The following ENOX1 variants were observed in gnomAD, a reference collection of about 807,000 sequenced individuals.
ENOX1 encodes the protein candidate growth-related and time keeping constitutive hydroquinone (NADH) oxidase.
A neutral mutation model predicts 82.5 loss-of-function variants in ENOX1; 42 were observed. The observed-to-expected ratio is 0.51, with a 90% CI of 0.40 to 0.66. ENOX1 has a LOEUF of 0.66. ENOX1 is among the 30% of genes least tolerant of loss of function. The pLI, the probability that ENOX1 is intolerant of heterozygous loss-of-function variation, is 0.00. For missense variants in ENOX1, 608 were observed against 811.6 expected, an observed-to-expected ratio of 0.75 and a Z score of 3.05; for synonymous variants, 271 against 282.2, an observed-to-expected ratio of 0.96 and a Z score of 0.40.
intron 8 of ENOX1, among the ~76,000 whole-genome samples, chr13:43,353,675 G>T (rs2049956265): frequency 6.6e-6 from 1 of 152,172 alleles, no homozygotes. Flanking sequence ...CTCTATGCTT[G>T]GGTTGAAATT....
At chr13:43,442,705 A>G (rs968492838) in intron 3 of ENOX1, among the ~76,000 whole-genome samples, 11 of 152,210 alleles carry the variant, frequency 7.2e-5, no homozygotes, top group African/African-American at 2.4e-4. Context: ...GTCCTTTTCC[A>G]TATCCCGGCT....
At chr13:43,286,714 T>C (rs774396421) in intron 12 of ENOX1, among the ~76,000 whole-genome samples, 1 of 152,200 alleles carries the variant, frequency 6.6e-6, no homozygotes, top group African/African-American at 2.4e-5. Flanking sequence ...TAGTTAAATT[T>C]TATTAGGGCT....
chr13:43,705,642 G>T (rs1157764194), intron 1 of ENOX1, among the ~76,000 whole-genome samples: 1 of 151,834 alleles, frequency 6.6e-6, no homozygotes, highest in Non-Finnish European at 1.5e-5. Context: ...CATTAATAAA[G>T]CTCAAGAATT....
chr13:43,429,930 A>T (rs1340094137), intron 3 of ENOX1, among the ~76,000 whole-genome samples: 1 of 152,222 alleles, frequency 6.6e-6, no homozygotes, highest in Non-Finnish European at 1.5e-5. Context: ...AGAAAGGTAT[A>T]TTTCTTTCAC....
chr13:43,415,637 G>A (rs2054425567), intron 3 of ENOX1, among the ~76,000 whole-genome samples: 1 of 150,962 alleles, frequency 6.6e-6, no homozygotes, highest in Non-Finnish European at 1.5e-5. Flanking sequence ...AGCCTCCTAT[G>A]TCTAATTCTT....
chr13:43,244,919 T>C (rs1016447042), intron 14 of ENOX1, among the ~76,000 whole-genome samples: 3 of 152,208 alleles, frequency 2.0e-5, no homozygotes, highest in Admixed American at 6.5e-5. Context: ...GGGGGCCCTA[T>C]AGATAATTGT....
At chr13:43,710,613 A>C (rs2153813165) in intron 1 of ENOX1, among the ~76,000 whole-genome samples, 1 of 152,338 alleles carries the variant, frequency 6.6e-6, no homozygotes, top group East Asian at 1.9e-4. Flanking sequence ...GGAGAGAAAA[A>C]AGTGATGAAC....
At chr13:43,410,374 G>A (rs2054048944) in intron 5 of ENOX1, among the ~76,000 whole-genome samples, 1 of 152,054 alleles carries the variant, frequency 6.6e-6, no homozygotes, top group African/African-American at 2.4e-5. Context: ...ACATGTTCAA[G>A]CCATAGAAAA....
At chr13:43,499,824 T>C (rs1323718095) in intron 2 of ENOX1, among the ~76,000 whole-genome samples, 1 of 151,938 alleles carries the variant, frequency 6.6e-6, no homozygotes, top group Non-Finnish European at 1.5e-5. Context: ...AGAAGCTCAG[T>C]GAGCTACAAG....
At chr13:43,712,546 TG>T (rs1172787185) in intron 1 of ENOX1, among the ~76,000 whole-genome samples, 1 of 150,280 alleles carries the variant, frequency 6.7e-6, no homozygotes, top group Non-Finnish European at 1.5e-5. Flanking sequence ...TTCCTACCCA[TG>T]AGCATGGAAT....
At chr13:43,580,451 C>T (rs1013118297) in intron 2 of ENOX1, among the ~76,000 whole-genome samples, 2 of 152,122 alleles carry the variant, frequency 1.3e-5, no homozygotes, top group African/African-American at 2.4e-5. Context: ...TTTCAAGTGC[C>T]GACCAGAATA....
In ENOX1 at chr13:43,236,716, G is replaced by GC; in HGVS notation, c.1633dup (p.Ala545GlyfsTer12). 1 of 1,583,252 alleles carries GC rather than the reference G, an allele frequency of 6.3e-7. No individual in the cohort carries two copies. The highest frequency in any genetic ancestry group is 8.5e-7 in the Non-Finnish European group (1 of 1,171,868). ...GTTCTCTCGGTCTTGGTTGACTAAT[G>GC]CAACTGTCAACACATTGATTTCCTA... is the stretch of plus-strand genomic sequence containing the variant. On this transcript the variant is annotated frameshift_variant, in exon 15 of 17. Coordinates refer to ENST00000690772, the MANE Select transcript of ENOX1 (RefSeq NM_001347969.2). LOFTEE classifies it high-confidence loss of function.
intron 11 of ENOX1, among the ~76,000 whole-genome samples, chr13:43,314,407 A>G (rs191826285): frequency 1.2e-3 from 182 of 152,336 alleles, no homozygotes; most frequent in African/African-American, 4.1e-3. Flanking sequence ...CTAGAATTCT[A>G]CAAGACATCA....
intron 2 of ENOX1, among the ~76,000 whole-genome samples, chr13:43,515,395 T>A (rs533849359): frequency 6.6e-6 from 1 of 152,264 alleles, no homozygotes; most frequent in African/African-American, 2.4e-5. Flanking sequence ...AGTCTTTTCT[T>A]CTATTCCTAA....
rs2085041506 is a variant in ENOX1, at chr13:43,667,538, A to G, written c.-278T>C. The G allele has an allele frequency of 3.1e-6, 3 of 981,352 alleles. No individual in the cohort carries two copies. The highest frequency in any genetic ancestry group is 3.6e-6 in the Non-Finnish European group (3 of 826,088). The allele number at this position is 981,352 out of a possible 1,614,324, so 60.8% of individuals were successfully genotyped here. A position where few individuals can be genotyped will look rare whatever the true frequency, so the allele number is the denominator to read the frequency against. On this transcript the variant is annotated 5_prime_UTR_variant, in exon 2 of 17. Transcript: ENST00000690772. ...ATAAATACGACATCATGCTGGCAGCAAAGGACCTGTAAAATAAAGGCCATC... is the reference window on the plus strand; with the variant it reads ...ATAAATACGACATCATGCTGGCAGCGAAGGACCTGTAAAATAAAGGCCATC...
intron 5 of ENOX1, among the ~76,000 whole-genome samples, chr13:43,364,287 G>A (rs919295982): frequency 6.6e-6 from 1 of 152,190 alleles, no homozygotes; most frequent in Non-Finnish European, 1.5e-5. Context: ...CTGCCCCTGT[G>A]AGCTTCAGAG....
chr13:43,247,536 T>C (rs2043143184), intron 14 of ENOX1, among the ~76,000 whole-genome samples: 1 of 151,764 alleles, frequency 6.6e-6, no homozygotes, highest in Admixed American at 6.6e-5. Context: ...TGGACTTGAG[T>C]AGCTATAGCA....
chr13:43,581,960 C>A (rs11619015), intron 2 of ENOX1, among the ~76,000 whole-genome samples: 6 of 152,268 alleles, frequency 3.9e-5, no homozygotes, highest in Non-Finnish European at 8.8e-5. Flanking sequence ...GTTCTACATG[C>A]ATGTATATAT....
intron 2 of ENOX1, among the ~76,000 whole-genome samples, chr13:43,542,273 G>A (rs1303479495): frequency 2.0e-5 from 3 of 151,772 alleles, no homozygotes; most frequent in Non-Finnish European, 4.4e-5. Flanking sequence ...CCAAGAAGCT[G>A]GGGCTACAGG....
Sources: allele counts gnomAD v4.1 joint callset (sites outside exome capture counted in the v4.1 genomes callset), GRCh38; gene constraint gnomAD v4.1.1; transcripts MANE v1.5; gene names NCBI Gene and HGNC (gene_info 2026-07-23, HGNC 2026-07-21).